OCA2: variants seen among roughly 807,000 people sequenced by gnomAD.
OCA2 encodes P protein.
OCA2 carries 77 observed loss-of-function variants against 100.2 expected under a neutral mutation model. That is an observed-to-expected ratio of 0.77 (90% CI 0.64 to 0.93). The LOEUF (loss-of-function observed/expected upper bound fraction) is 0.93, where lower values mean the gene tolerates loss of function less well. Among genes scored for constraint, OCA2 ranks in the 40% least tolerant of loss-of-function variants. The probability of loss-of-function intolerance (pLI) is 0.00; values close to 1 mark genes in which losing one functional copy is unlikely to be tolerated. For missense variants in OCA2, 1,062 were observed against 1,089.1 expected, an observed-to-expected ratio of 0.98 and a Z score of 0.35; for synonymous variants, 432 against 439.2, an observed-to-expected ratio of 0.98 and a Z score of 0.21.
chr15:28,001,412 T>C (rs1046027778), intron 9 of OCA2, among the ~76,000 whole-genome samples: 3 of 152,024 alleles, frequency 2.0e-5, no homozygotes, highest in Non-Finnish European at 4.4e-5. Context: ...ATCCCACTTA[T>C]ATGAGGCCAA....
At chr15:27,855,695 T>A (rs919335907) in intron 21 of OCA2, among the ~76,000 whole-genome samples, 8 of 152,250 alleles carry the variant, frequency 5.3e-5, no homozygotes, top group African/African-American at 1.9e-4. Flanking sequence ...AATATTCCAT[T>A]TTGTGTCTGG....
intron 19 of OCA2, among the ~76,000 whole-genome samples, chr15:27,890,428 G>A (rs1192748501): frequency 6.6e-6 from 1 of 152,102 alleles, no homozygotes; most frequent in Non-Finnish European, 1.5e-5. Flanking sequence ...AACTTTCAAA[G>A]ACTAAAGACA....
intron 23 of OCA2, chr15:27,776,395 G>C (rs946155030): frequency 1.3e-5 from 2 of 152,230 alleles, no homozygotes; most frequent in African/African-American, 4.8e-5. Flanking sequence ...TTGCTGAGAT[G>C]CTTCTGTAAA....
At chr15:27,748,998 A>G in the OCA2 span, among the ~76,000 whole-genome samples, 1 of 152,158 alleles carries the variant, frequency 6.6e-6, no homozygotes, top group Non-Finnish European at 1.5e-5. Flanking sequence ...GTAATTCAAC[A>G]TTTGTATCAC....
intron 19 of OCA2, among the ~76,000 whole-genome samples, chr15:27,910,548 T>C (rs2038350825): frequency 6.6e-6 from 1 of 152,036 alleles, no homozygotes; most frequent in Non-Finnish European, 1.5e-5. Context: ...TTCCAAGACA[T>C]AACATTAAGC....
chr15:27,875,389 C>T (rs1204713307), intron 19 of OCA2, among the ~76,000 whole-genome samples: 1 of 152,118 alleles, frequency 6.6e-6, no homozygotes, highest in East Asian at 1.9e-4. Context: ...TTTGCCAGGA[C>T]CACAGTCTTG....
At chr15:27,727,032 G>A in the OCA2 span, among the ~76,000 whole-genome samples, 2 of 152,232 alleles carry the variant, frequency 1.3e-5, no homozygotes, top group Non-Finnish European at 2.9e-5. Flanking sequence ...TGTGATGCGA[G>A]TTATGTTGTG....
At chr15:27,824,471 T>C (rs904854996) in intron 23 of OCA2, among the ~76,000 whole-genome samples, 4 of 150,900 alleles carry the variant, frequency 2.7e-5, no homozygotes, top group African/African-American at 9.8e-5. Flanking sequence ...TTTAAGGAAG[T>C]AAAAGGAGAT....
At chr15:27,784,442 A>C (rs1462137919) in intron 23 of OCA2, among the ~76,000 whole-genome samples, 1 of 152,170 alleles carries the variant, frequency 6.6e-6, no homozygotes, top group Admixed American at 6.5e-5. Context: ...TGTACTATCT[A>C]CCTTGGATCA....
intron 21 of OCA2, among the ~76,000 whole-genome samples, chr15:27,859,090 A>C (rs1042123176): frequency 6.6e-6 from 1 of 152,074 alleles, no homozygotes; most frequent in Non-Finnish European, 1.5e-5. Flanking sequence ...CCTCAAATAA[A>C]TAACCTAACT....
At chr15:27,983,271 T>C (rs2041226574) in intron 14 of OCA2, 74 bp downstream of exon 14, 9 of 1,576,260 alleles carry the variant, frequency 5.7e-6, no homozygotes, top group Non-Finnish European at 7.8e-6. Context: ...AACAAAGGCG[T>C]CCATGTGGGG....
intron 10 of OCA2, 69 bp from the exon 11 acceptor site, chr15:27,989,735 G>C (rs538927871): frequency 2.9e-6 from 4 of 1,367,842 alleles, no homozygotes; most frequent in Non-Finnish European, 4.1e-6. Context: ...CTAATGAAGC[G>C]CTGCCCCCTG....
intron 21 of OCA2, among the ~76,000 whole-genome samples, chr15:27,863,835 G>C (rs948323700): frequency 8.6e-5 from 13 of 151,956 alleles, no homozygotes; most frequent in African/African-American, 3.1e-4. Flanking sequence ...AACATTATAG[G>C]TTTTAGTTCC....
intron 23 of OCA2, among the ~76,000 whole-genome samples, chr15:27,806,641 C>G (rs2033864396): frequency 6.6e-6 from 1 of 152,260 alleles, no homozygotes; most frequent in South Asian, 2.1e-4. Context: ...GCCTGTCCCT[C>G]CCGGCACTGA....
At chr15:27,872,789 A>T (rs1296247857) in intron 19 of OCA2, among the ~76,000 whole-genome samples, 1 of 151,454 alleles carries the variant, frequency 6.6e-6, no homozygotes, top group East Asian at 1.9e-4. Context: ...TCCCGGGTTC[A>T]AGTGATTCTC....
chr15:27,947,615 G>T (rs1452680777), intron 18 of OCA2, among the ~76,000 whole-genome samples: 1 of 152,222 alleles, frequency 6.6e-6, no homozygotes, highest in Non-Finnish European at 1.5e-5. Flanking sequence ...CGGTCGCATG[G>T]CCTCGGCACA....
chr15:27,930,960 A>G (rs933904570), intron 18 of OCA2, among the ~76,000 whole-genome samples: 1 of 152,184 alleles, frequency 6.6e-6, no homozygotes, highest in Non-Finnish European at 1.5e-5. Flanking sequence ...CGTTGCACAA[A>G]CTGACATATG....
chr15:28,042,344 G>C (rs560656983), intron 2 of OCA2, among the ~76,000 whole-genome samples: 3 of 151,834 alleles, frequency 2.0e-5, no homozygotes, highest in Admixed American at 1.3e-4. Context: ...AAATGCCTTC[G>C]GGCCAGGTGC....
chr15:27,860,878 G>A (rs1429262125), intron 21 of OCA2, among the ~76,000 whole-genome samples: 1 of 152,236 alleles, frequency 6.6e-6, no homozygotes, highest in Admixed American at 6.5e-5. Context: ...AGTCAGCAGA[G>A]AGAAGAGCAG....
Sources: gnomAD v4.1 joint callset for allele counts (sites outside exome capture counted in the v4.1 genomes callset) on GRCh38, gnomAD v4.1.1 for gene constraint, MANE v1.5 for transcripts, NCBI Gene and HGNC (gene_info 2026-07-23, HGNC 2026-07-21) for gene names.